Variants in DSCAM observed in about 807,000 individuals in gnomAD.
DSCAM encodes the protein cell adhesion molecule DSCAM.
In DSCAM, 47 loss-of-function variants were observed where a neutral mutation model predicts 217.7. That is an observed-to-expected ratio of 0.22 (90% CI 0.17 to 0.28). DSCAM has a LOEUF of 0.28. Ranked by LOEUF, DSCAM falls within the 10% of genes least tolerant of loss-of-function variation. The pLI is 1.00. For synonymous variants in DSCAM, 1,056 were observed against 1,015.3 expected (o/e 1.04, Z -0.76); for missense variants, 2,080 against 2,618.3 (o/e 0.79, Z 4.49).
chr21:40,457,834 A>C (rs957200122), intron 3 of DSCAM, among the ~76,000 whole-genome samples: 2 of 152,198 alleles, frequency 1.3e-5, no homozygotes, highest in African/African-American at 2.4e-5. Context: ...ATAATGTGGA[A>C]AGGCAAATCA....
chr21:40,350,377 G>T (rs1272285302), intron 5 of DSCAM, among the ~76,000 whole-genome samples: 1 of 152,072 alleles, frequency 6.6e-6, no homozygotes, highest in African/African-American at 2.4e-5. Flanking sequence ...GAAAATTTTT[G>T]CAATCTATCC....
At chr21:40,142,521 T>C (rs762286045) in intron 18 of DSCAM, 37 bp downstream of exon 18, 1 of 1,610,830 alleles carries the variant, frequency 6.2e-7, no homozygotes, top group Non-Finnish European at 8.5e-7. Flanking sequence ...ATGCATTCTC[T>C]GGAGGCAAAC....
chr21:40,502,335 G>T (rs914096890), intron 3 of DSCAM, among the ~76,000 whole-genome samples: 1 of 151,964 alleles, frequency 6.6e-6, no homozygotes, highest in Admixed American at 6.6e-5. Context: ...CATACATCAT[G>T]GATTTTATCT....
chr21:40,380,913 A>C (rs1292014177), intron 3 of DSCAM, among the ~76,000 whole-genome samples: 1 of 151,722 alleles, frequency 6.6e-6, no homozygotes, highest in Non-Finnish European at 1.5e-5. Context: ...AATGCAAAAA[A>C]TTAGCCGGGC....
In DSCAM at chr21:40,418,433, T is replaced by C. The variant is rs2075392423; in HGVS notation, c.509-49188A>G. ...CTATGATATCTGTAAATCCAATTCA[T>C]ATAGTTCTGCAGCTGGGAACGGGAG... On this transcript the variant is annotated intron_variant, in intron 3 of 32. Transcript: ENST00000400454. 2.0e-5 allele frequency among the ~76,000 whole-genome samples: 3 copies of C among 152,316 alleles called. No individual in the cohort carries two copies. The South Asian group carries it at 6.2e-4, about 32-fold the overall frequency.
At chr21:40,667,017 C>T (rs35939072) in intron 3 of DSCAM, among the ~76,000 whole-genome samples, 24,444 of 152,134 alleles carry the variant, frequency 0.16, 2,059 homozygotes, top group East Asian at 0.24. Flanking sequence ...TTCATGTATC[C>T]CCACAAAGCA....
chr21:40,716,135 T>C (rs569826382), intron 1 of DSCAM, among the ~76,000 whole-genome samples: 1 of 152,336 alleles, frequency 6.6e-6, no homozygotes, highest in East Asian at 1.9e-4. Flanking sequence ...GAATTTTACA[T>C]TAGTCTTTCT....
At chr21:40,415,085 G>C (rs149987745) in intron 3 of DSCAM, among the ~76,000 whole-genome samples, 92 of 152,252 alleles carry the variant, frequency 6.0e-4, no homozygotes, top group African/African-American at 2.1e-3. Flanking sequence ...AAAAGACCTG[G>C]AATTTGATTT....
chr21:40,017,600 C>T (rs2989336), intron 32 of DSCAM, among the ~76,000 whole-genome samples: 52,108 of 150,710 alleles, frequency 0.35, 9,598 homozygotes, highest in Middle Eastern at 0.45. Context: ...TTGCTCTTGT[C>T]GCCCAGGCTG....
chr21:40,234,814 C>G lies in DSCAM; in HGVS notation c.2356+41283G>C, dbSNP rs1240400803. Among the ~76,000 whole-genome samples, 3 of 152,038 alleles carry G rather than the reference C, an allele frequency of 2.0e-5. No homozygotes were observed. In the East Asian group the frequency reaches 5.8e-4, roughly 29 times the overall value. Reference sequence around the variant, plus strand: ...TGAATGATTCCCCTGGGTTGTTTTTCCTAAAAATATAATGTGAGTAAAATA... The same window carrying G: ...TGAATGATTCCCCTGGGTTGTTTTTGCTAAAAATATAATGTGAGTAAAATA... On this transcript the variant is annotated intron_variant, in intron 11 of 32. Transcript: ENST00000400454.
chr21:40,088,815 G>A (rs144523980), intron 21 of DSCAM, among the ~76,000 whole-genome samples: 1,716 of 152,298 alleles, frequency 0.011, 22 homozygotes, highest in Middle Eastern at 0.024. Flanking sequence ...GCTAGAGTTA[G>A]GGGCTTTCCA....
chr21:40,781,549 A>G (rs2091544404), intron 1 of DSCAM, among the ~76,000 whole-genome samples: 1 of 152,202 alleles, frequency 6.6e-6, no homozygotes, highest in Non-Finnish European at 1.5e-5. Flanking sequence ...ACTGAAGTAT[A>G]CAACCTTTTT....
At chr21:40,384,425 T>G (rs547562391) in intron 3 of DSCAM, among the ~76,000 whole-genome samples, 1 of 152,126 alleles carries the variant, frequency 6.6e-6, no homozygotes, top group South Asian at 2.1e-4. Flanking sequence ...CTGACCAACA[T>G]GGTGAAACCC....
chr21:40,698,878 A>AG (rs2090624164), intron 2 of DSCAM, among the ~76,000 whole-genome samples: 1 of 150,916 alleles, frequency 6.6e-6, no homozygotes, highest in Admixed American at 6.6e-5. Context: ...TTAAAAAAAA[A>AG]AAAAAAAAAA....
At chr21:40,570,856 AT>A (rs2076800974) in intron 3 of DSCAM, among the ~76,000 whole-genome samples, 1 of 152,220 alleles carries the variant, frequency 6.6e-6, no homozygotes. Flanking sequence ...CATGAAAAAA[AT>A]AAAACAAAGC....
chr21:40,171,001 C>T (rs997007540), intron 15 of DSCAM, among the ~76,000 whole-genome samples: 3 of 152,112 alleles, frequency 2.0e-5, no homozygotes, highest in African/African-American at 4.8e-5. Context: ...AAGAATGTCC[C>T]CAATTCTATC....
intron 3 of DSCAM, among the ~76,000 whole-genome samples, chr21:40,448,755 C>CA (rs2145925583): frequency 6.6e-6 from 1 of 152,186 alleles, no homozygotes; most frequent in African/African-American, 2.4e-5. Flanking sequence ...TATATTCTCA[C>CA]AAAATCAATT....
At chr21:40,479,205 G>A (rs543647464) in intron 3 of DSCAM, among the ~76,000 whole-genome samples, 1 of 152,214 alleles carries the variant, frequency 6.6e-6, no homozygotes, top group South Asian at 2.1e-4. Flanking sequence ...ATGGCCATGA[G>A]TAATTTAACC....
At position 40,572,110 on chromosome 21, in the gene DSCAM, GTGTGTGTT is replaced by G. The variant is rs970235655; in HGVS notation, c.508+120692_508+120699del. Among the ~76,000 whole-genome samples, 4 of 149,340 alleles carry G rather than the reference GTGTGTGTT, an allele frequency of 2.7e-5. No homozygotes were observed. The East Asian group carries it at 5.9e-4, about 22-fold the overall frequency. Reference sequence around the variant, plus strand: ...GGTGTGTGTGTGTGTGTGTGTGTGTGTGTGTGTTTGTGTGTACATATATATGCATTTCA... The same window carrying G: ...GGTGTGTGTGTGTGTGTGTGTGTGTGTGTGTGTACATATATATGCATTTCA... On this transcript the variant is annotated intron_variant, in intron 3 of 32. Transcript: ENST00000400454.
Sources: gnomAD v4.1 joint callset for allele counts (sites outside exome capture counted in the v4.1 genomes callset) on GRCh38, gnomAD v4.1.1 for gene constraint, MANE v1.5 for transcripts, NCBI Gene and HGNC (gene_info 2026-07-23, HGNC 2026-07-21) for gene names.